The following KIF13B variants were observed in gnomAD, a reference collection of about 807,000 sequenced individuals.
The protein encoded by KIF13B is kinesin family member 13B.
A neutral mutation model predicts 222.0 loss-of-function variants in KIF13B; 127 were observed. The ratio of observed to expected loss-of-function variants is 0.57; its 90% CI spans 0.50 to 0.66. KIF13B has a LOEUF of 0.66. Among genes scored for constraint, KIF13B ranks in the 30% least tolerant of loss-of-function variants. The probability of loss-of-function intolerance (pLI) is 0.00; values close to 1 mark genes in which losing one functional copy is unlikely to be tolerated. For synonymous variants in KIF13B, 976 were observed against 919.0 expected (o/e 1.06, Z -1.12); for missense variants, 2,173 against 2,379.0 (o/e 0.91, Z 1.80).
intron 11 of KIF13B, 59 bp downstream of exon 11, chr8:29,167,314 A>C: frequency 2.1e-6 from 3 of 1,420,412 alleles, no homozygotes; most frequent in Admixed American, 1.9e-5. Context: ...AAGGAAATTC[A>C]AGCTCTAGGC....
At chr8:29,201,062 A>C (rs759510229) in intron 2 of KIF13B, among the ~76,000 whole-genome samples, 1 of 152,202 alleles carries the variant, frequency 6.6e-6, no homozygotes, top group Non-Finnish European at 1.5e-5. Flanking sequence ...CTTTTAAACT[A>C]TGTAAACACT....
chr8:29,112,475 C>T (rs1028608189), intron 32 of KIF13B, among the ~76,000 whole-genome samples: 9 of 146,560 alleles, frequency 6.1e-5, no homozygotes, highest in African/African-American at 2.3e-4. Context: ...TTAAAATATA[C>T]ACTGTTCACC....
intron 1 of KIF13B, among the ~76,000 whole-genome samples, chr8:29,262,749 AC>A (rs879491755): frequency 6.8e-6 from 1 of 146,508 alleles, no homozygotes; most frequent in Non-Finnish European, 1.5e-5. Context: ...CGGGGCCGGC[AC>A]GAGGGGCCCG....
chr8:29,160,865 T>C lies in KIF13B; in HGVS notation c.1272A>G (p.Glu424=), dbSNP rs1457791696. ...CAAGACTCTCAAGCTGTTTCTGTCG[T>C]TCCTGTAAATGTTATCAGAGAAGTA... ...KLRKTEEIAQ[E]RQKQLESLGI... Residue 424 remains glutamate (E), a splice_region_variant and synonymous_variant, in exon 13 of 40, where the codon GAA becomes GAG. Transcript: ENST00000524189. 6.2e-7 allele frequency: 1 copy of C among 1,613,098 alleles called. No individual in the cohort carries two copies. The highest frequency in any genetic ancestry group is 2.2e-5 in the East Asian group (1 of 44,820).
At chr8:29,154,185 C>T (rs1360288064) in intron 14 of KIF13B, among the ~76,000 whole-genome samples, 2 of 152,102 alleles carry the variant, frequency 1.3e-5, no homozygotes, top group East Asian at 1.9e-4. Context: ...GGTGTGGTAA[C>T]ACGCACCTGT....
intron 2 of KIF13B, among the ~76,000 whole-genome samples, chr8:29,199,436 T>C (rs914280964): frequency 6.6e-6 from 1 of 152,172 alleles, no homozygotes; most frequent in Non-Finnish European, 1.5e-5. Flanking sequence ...CAGGTTGTGA[T>C]GTGAACATCC....
intron 34 of KIF13B, among the ~76,000 whole-genome samples, chr8:29,108,429 A>C (rs1036797305): frequency 6.6e-6 from 1 of 152,214 alleles, no homozygotes; most frequent in African/African-American, 2.4e-5. Flanking sequence ...GTTCACACTG[A>C]GGTCACAACC....
chr8:29,130,467 A>T (rs1267475545), intron 24 of KIF13B, 66 bp downstream of exon 24: 8 of 1,523,494 alleles, frequency 5.3e-6, no homozygotes, highest in Non-Finnish European at 6.3e-6. Context: ...ATTTCCACTA[A>T]AAAGAAGCCA....
intron 37 of KIF13B, among the ~76,000 whole-genome samples, chr8:29,091,279 ATAAG>A (rs1808287835): frequency 6.6e-6 from 1 of 152,262 alleles, no homozygotes; most frequent in Non-Finnish European, 1.5e-5. Flanking sequence ...CAGTAAGAGC[ATAAG>A]TAAGTTCTAC....
intron 6 of KIF13B, among the ~76,000 whole-genome samples, chr8:29,183,036 G>C (rs183185159): frequency 6.6e-6 from 1 of 152,046 alleles, no homozygotes; most frequent in Admixed American, 6.5e-5. Context: ...AAAAAAGAAT[G>C]TCAATGATAA....
At chr8:29,211,436 C>A (rs1392677476) in intron 2 of KIF13B, among the ~76,000 whole-genome samples, 1 of 12,938 alleles carries the variant, frequency 7.7e-5, no homozygotes, top group East Asian at 4.6e-4. Flanking sequence ...CCTATAGATA[C>A]TTTCCTGGCC....
rs1256012296 is a variant in KIF13B, at chr8:29,073,394, C to T, written c.4522-1078G>A. 3.3e-5 allele frequency among the ~76,000 whole-genome samples: 5 copies of T among 152,270 alleles called. No homozygotes were observed. The East Asian group carries it at 9.7e-4, about 29-fold the overall frequency. ...CAGAGGACACACACACACTCAAAGCCCACATCTCATGGGGGAGAGCAGCCA... is the reference window on the plus strand; with the variant it reads ...CAGAGGACACACACACACTCAAAGCTCACATCTCATGGGGGAGAGCAGCCA... On this transcript the variant is annotated intron_variant, in intron 38 of 39. Coordinates refer to ENST00000524189, the MANE Select transcript of KIF13B (RefSeq NM_015254.4).
chr8:29,169,955 T>G (rs964118817), intron 10 of KIF13B, among the ~76,000 whole-genome samples: 40 of 152,238 alleles, frequency 2.6e-4, no homozygotes, highest in Non-Finnish European at 1.0e-4. Context: ...GAGAAAAGCA[T>G]GTATATTGTG....
intron 38 of KIF13B, 148 bp from the exon 39 acceptor site, chr8:29,072,464 C>T (rs374589260): frequency 2.0e-5 from 9 of 451,002 alleles, no homozygotes; most frequent in South Asian, 9.5e-5. Context: ...GACGGAAGAT[C>T]GCTTGAGCCC....
intron 10 of KIF13B, among the ~76,000 whole-genome samples, chr8:29,174,326 T>A (rs1423044814): frequency 6.6e-6 from 1 of 152,194 alleles, no homozygotes; most frequent in East Asian, 1.9e-4. Context: ...AAGTCTTGAA[T>A]TTTGCAGTTT....
intron 21 of KIF13B, among the ~76,000 whole-genome samples, chr8:29,136,304 C>T (rs1439178656): frequency 1.3e-5 from 2 of 152,128 alleles, no homozygotes; most frequent in African/African-American, 2.4e-5. Flanking sequence ...CTCGGCCAGG[C>T]GTGGTGGCTC....
At chr8:29,222,286 G>A (rs976592057) in intron 2 of KIF13B, among the ~76,000 whole-genome samples, 7 of 152,110 alleles carry the variant, frequency 4.6e-5, no homozygotes, top group African/African-American at 1.7e-4. Flanking sequence ...GGAGGTCAAG[G>A]TTGCAGTGAG....
chr8:29,227,531 T>C (rs559645228), intron 2 of KIF13B, among the ~76,000 whole-genome samples: 1 of 152,264 alleles, frequency 6.6e-6, no homozygotes, highest in African/African-American at 2.4e-5. Context: ...CTAGGTATAT[T>C]TCAATACGTA....
Position 29,175,440 on chromosome 8 carries a change from T to C in KIF13B, c.945+628A>G, listed in dbSNP as rs144736521. ...AGAAGCGCCCTCTGTTTTCCTCTGT[T>C]TTAAAATGGAGGCTACGTTCTTCTC... On this transcript the variant is annotated intron_variant, in intron 10 of 39. Transcript: ENST00000524189. Among the ~76,000 whole-genome samples the C allele has an allele frequency of 3.6e-3, 545 of 152,338 alleles. 6 individuals carry two copies. The highest frequency in any genetic ancestry group is 0.013 in the African/African-American group (521 of 41,576).
Sources: allele counts gnomAD v4.1 joint callset (sites outside exome capture counted in the v4.1 genomes callset), GRCh38; gene constraint gnomAD v4.1.1; transcripts MANE v1.5; gene names NCBI Gene and HGNC (gene_info 2026-07-23, HGNC 2026-07-21).